ZNF169: variants seen among roughly 807,000 people sequenced by gnomAD.
ZNF169 encodes zinc finger protein 169.
A neutral mutation model predicts 12.0 loss-of-function variants in ZNF169; 11 were observed. The observed-to-expected ratio is 0.92, with a 90% CI of 0.58 to 1.52. The LOEUF (loss-of-function observed/expected upper bound fraction) is 1.52, where lower values mean the gene tolerates loss of function less well. Ranked by LOEUF, ZNF169 falls within the 40% of genes most tolerant of loss-of-function variation. The probability of loss-of-function intolerance (pLI) is 0.00; values close to 1 mark genes in which losing one functional copy is unlikely to be tolerated. For synonymous variants in ZNF169, 302 were observed against 286.5 expected (o/e 1.05, Z -0.55); for missense variants, 722 against 744.0 (o/e 0.97, Z 0.34).
chr9:94,261,276 G>C (rs1051015249), intron 1 of ZNF169, among the ~76,000 whole-genome samples: 1 of 152,012 alleles, frequency 6.6e-6, no homozygotes, highest in South Asian at 2.1e-4. Context: ...GCCCGCCTCG[G>C]CCTCCCAAAG....
intron 2 of ZNF169, among the ~76,000 whole-genome samples, chr9:94,279,580 C>T (rs796922294): frequency 1.3e-4 from 19 of 144,844 alleles, no homozygotes; most frequent in African/African-American, 4.1e-4. Flanking sequence ...GCGGAGGTTG[C>T]AGTGAGCCGA....
chr9:94,280,031 A>C (rs1445738208), intron 2 of ZNF169, among the ~76,000 whole-genome samples: 1 of 152,228 alleles, frequency 6.6e-6, no homozygotes, highest in Non-Finnish European at 1.5e-5. Context: ...TGATTTTATC[A>C]ATTACACAAA....
chr9:94,271,651 C>T (rs922547705), intron 1 of ZNF169, among the ~76,000 whole-genome samples: 4 of 137,680 alleles, frequency 2.9e-5, no homozygotes, highest in South Asian at 2.4e-4. Flanking sequence ...ACCCAGGAGG[C>T]GGAGGTTGCA....
chr9:94,292,114 G>T (rs899452395), intron 2 of ZNF169, among the ~76,000 whole-genome samples: 1 of 152,218 alleles, frequency 6.6e-6, no homozygotes, highest in Non-Finnish European at 1.5e-5. Flanking sequence ...AAACTTGTGT[G>T]TTTGATCAGC....
chr9:94,293,347 A>G, intron 4 of ZNF169: 1 of 593,100 alleles, frequency 1.7e-6, no homozygotes, highest in African/African-American at 1.9e-5. Flanking sequence ...TCTTGGGCTC[A>G]TGTGGTTGGC....
chr9:94,268,136 C>A (rs1401746950), intron 1 of ZNF169, among the ~76,000 whole-genome samples: 1 of 151,956 alleles, frequency 6.6e-6, no homozygotes, highest in Non-Finnish European at 1.5e-5. Context: ...TCCCAAAGTG[C>A]TGGGATTACA....
At chr9:94,292,651 A>ATGTG (rs1830869173) in intron 3 of ZNF169, 184 bp downstream of exon 3, 1 of 584,122 alleles carries the variant, frequency 1.7e-6, no homozygotes, top group East Asian at 5.8e-5. Context: ...GCGCGTGCAC[A>ATGTG]TGCTGTGAGC....
At chr9:94,261,991 C>T (rs896187345) in intron 1 of ZNF169, among the ~76,000 whole-genome samples, 2 of 152,114 alleles carry the variant, frequency 1.3e-5, no homozygotes, top group African/African-American at 4.8e-5. Context: ...GTGTTGTTTC[C>T]GTATTTGTCT....
chr9:94,273,724 C>G (rs1350735869), intron 1 of ZNF169, among the ~76,000 whole-genome samples: 2 of 151,904 alleles, frequency 1.3e-5, no homozygotes, highest in African/African-American at 4.8e-5. Context: ...GGACTACAGG[C>G]ACCTGCCACC....
intron 4 of ZNF169, among the ~76,000 whole-genome samples, chr9:94,298,479 G>A (rs1275569486): frequency 1.3e-5 from 2 of 151,852 alleles, no homozygotes; most frequent in Admixed American, 6.6e-5. Flanking sequence ...TCAGGAGTTC[G>A]AGACCAGCCT....
intron 2 of ZNF169, among the ~76,000 whole-genome samples, chr9:94,284,626 A>C (rs35230494): frequency 6.6e-6 from 1 of 152,112 alleles, no homozygotes; most frequent in Admixed American, 6.5e-5. Context: ...CTGAACAGGA[A>C]ATTTAAAAAA....
chr9:94,292,242 C>T (rs1315092054), intron 2 of ZNF169, 99 bp from the exon 3 acceptor site: 3 of 1,605,076 alleles, frequency 1.9e-6, no homozygotes, highest in East Asian at 4.5e-5. Flanking sequence ...CTTGGGTGCT[C>T]TAGGACTGCT....
At chr9:94,271,252 T>G (rs928117203) in intron 1 of ZNF169, among the ~76,000 whole-genome samples, 2 of 150,374 alleles carry the variant, frequency 1.3e-5, no homozygotes, top group Admixed American at 6.8e-5. Flanking sequence ...CGTGCCACCA[T>G]GCACAGCTAA....
rs73653455 is a variant in ZNF169, at chr9:94,288,491, C to G, written c.34-3850C>G. The G allele has an allele frequency of 7.7e-3, 5,712 of 745,232 alleles. 219 individuals carry two copies. In the African/African-American group the frequency reaches 0.087, roughly 11 times the overall value. The allele number at this position is 745,232 out of a possible 1,614,324, so 46.2% of individuals were successfully genotyped here. A position where few individuals can be genotyped will look rare whatever the true frequency, so the allele number is the denominator to read the frequency against. On this transcript the variant is annotated intron_variant, in intron 2 of 4. Transcript: ENST00000395395. ...AGCTTTATTAAGCCAAATCCATAGC[C>G]ATTGGTGAAGACATCCCTGGCAGAT...
In ZNF169 at chr9:94,299,788, T is replaced by G; in HGVS notation, c.257-27T>G. On this transcript the variant is annotated intron_variant, in intron 4 of 4. Transcript: ENST00000395395. ...TACAATCCATGGTCACCTGTGGTGA[T>G]TCTGACCAAGACTTTCTCTCTAGCA... 4 of 1,585,974 alleles carry G rather than the reference T, an allele frequency of 2.5e-6. No homozygotes were observed. In the South Asian group the frequency reaches 4.6e-5, roughly 18 times the overall value.
intron 1 of ZNF169, among the ~76,000 whole-genome samples, chr9:94,274,392 A>G (rs901489578): frequency 2.6e-5 from 4 of 152,202 alleles, no homozygotes; most frequent in African/African-American, 7.2e-5. Flanking sequence ...ATATTTTCTC[A>G]TATCCCTTGG....
intron 4 of ZNF169, chr9:94,295,551 T>G (rs1830932980): frequency 6.6e-6 from 1 of 152,190 alleles, no homozygotes; most frequent in Admixed American, 6.6e-5. Flanking sequence ...TAATCCTACC[T>G]CCCACTCCTT....
chr9:94,288,568 C>T, intron 2 of ZNF169: 1 of 464,812 alleles, frequency 2.2e-6, no homozygotes, highest in Non-Finnish European at 4.1e-6. Context: ...GAGGTGGCGG[C>T]AACAGGCTCA....
At chr9:94,268,393 T>A (rs1295806839) in intron 1 of ZNF169, among the ~76,000 whole-genome samples, 1 of 152,234 alleles carries the variant, frequency 6.6e-6, no homozygotes, top group African/African-American at 2.4e-5. Flanking sequence ...AATGTATTTA[T>A]ACAAATATAG....
Sources: allele counts gnomAD v4.1 joint callset (sites outside exome capture counted in the v4.1 genomes callset), GRCh38; gene constraint gnomAD v4.1.1; transcripts MANE v1.5; gene names NCBI Gene and HGNC (gene_info 2026-07-23, HGNC 2026-07-21).